Variants in AGR2 observed in about 807,000 individuals in gnomAD.
The protein encoded by AGR2 is anterior gradient protein 2 homolog.
In AGR2, 27 loss-of-function variants were observed where a neutral mutation model predicts 25.9. That is an observed-to-expected ratio of 1.04 (90% CI 0.77 to 1.44). The LOEUF (loss-of-function observed/expected upper bound fraction) is 1.44. AGR2 is among the 40% of genes most tolerant of loss of function. The pLI is 0.00. For synonymous variants in AGR2, 78 were observed against 72.0 expected, an observed-to-expected ratio of 1.08 and a Z score of -0.42; for missense variants, 182 against 200.9, an observed-to-expected ratio of 0.91 and a Z score of 0.57.
At chr7:16,794,571 G>A (rs1785012220) in intron 7 of AGR2, 3 of 426,424 alleles carry the variant, frequency 7.0e-6, no homozygotes, top group Non-Finnish European at 8.2e-6. Context: ...TTTCACTTTT[G>A]TTATTTAAAA....
intron 4 of AGR2, among the ~76,000 whole-genome samples, chr7:16,800,368 G>A (rs1407579682): frequency 6.6e-6 from 1 of 152,186 alleles, no homozygotes; most frequent in African/African-American, 2.4e-5. Context: ...GCTGTGAGGT[G>A]GGAATGAGCT....
At chr7:16,796,929 T>C (rs977187584) in intron 6 of AGR2, among the ~76,000 whole-genome samples, 2 of 63,010 alleles carry the variant, frequency 3.2e-5, no homozygotes, top group East Asian at 7.1e-4. Context: ...TCATATTCCT[T>C]TTTTTTTTTT....
chr7:16,796,723 C>T (rs1203130771), intron 6 of AGR2, among the ~76,000 whole-genome samples: 2 of 152,134 alleles, frequency 1.3e-5, no homozygotes, highest in African/African-American at 2.4e-5. Context: ...CATAACCACC[C>T]CCAAACTGCA....
chr7:16,803,958 G>T (rs1174729342), intron 1 of AGR2, among the ~76,000 whole-genome samples: 4 of 151,530 alleles, frequency 2.6e-5, no homozygotes, highest in East Asian at 2.0e-4. Context: ...TGATGGTAAG[G>T]CATTTTTATT....
intron 5 of AGR2, chr7:16,799,446 A>T: frequency 6.7e-6 from 2 of 297,354 alleles, no homozygotes; most frequent in Non-Finnish European, 1.3e-5. Flanking sequence ...TAGAGAAGCC[A>T]GGACTATAGA....
At chr7:16,798,927 T>C (rs1003484110) in intron 5 of AGR2, among the ~76,000 whole-genome samples, 10 of 152,160 alleles carry the variant, frequency 6.6e-5, no homozygotes, top group Non-Finnish European at 1.3e-4. Context: ...TGGAATATGG[T>C]TGGATAGACA....
chr7:16,799,853 T>G, intron 4 of AGR2, 36 bp from the exon 5 acceptor site: 3 of 1,388,268 alleles, frequency 2.2e-6, no homozygotes, highest in Non-Finnish European at 3.0e-6. Context: ...GCATCCATCT[T>G]AGCATTGGTT....
At position 16,791,890 on chromosome 7, in the gene AGR2, A is replaced by T. The variant is rs1390775563; in HGVS notation, c.*1018T>A. On this transcript the variant is annotated 3_prime_UTR_variant, in exon 8 of 8. Coordinates refer to ENST00000419304, the MANE Select transcript of AGR2 (RefSeq NM_006408.4). ...TGCAAAGCATTATATACAGCACCAT[A>T]GTCCAGGGGCCAAAGAAATCAGGAG... 2.0e-5 allele frequency: 3 copies of T among 152,280 alleles called. No homozygotes were observed. Among genetic ancestry groups the T allele is most frequent in the African/African-American group, 7.2e-5 (3 of 41,466 alleles). The allele number at this position is 152,280 out of a possible 1,614,324, so 9.4% of individuals were successfully genotyped here.
chr7:16,801,091 GA>G (rs1469249998), intron 4 of AGR2, 59 bp downstream of exon 4: 1 of 1,396,880 alleles, frequency 7.2e-7, no homozygotes, highest in East Asian at 2.3e-5. Context: ...TGAGTGATCT[GA>G]ACCCTGGCCC....
intron 5 of AGR2, among the ~76,000 whole-genome samples, chr7:16,798,551 G>A (rs751525094): frequency 1.3e-5 from 2 of 152,202 alleles, no homozygotes; most frequent in Non-Finnish European, 2.9e-5. Context: ...AGGGATGTTA[G>A]AAGAGGCACT....
In AGR2 at chr7:16,799,729, G is replaced by T; in HGVS notation, c.330+15C>A. On this transcript the variant is annotated intron_variant, in intron 5 of 7. Coordinates refer to ENST00000419304, the MANE Select transcript of AGR2 (RefSeq NM_006408.4). ...GCCATAGAGAAATGTTAGTAATGAT[G>T]AAAAGGAAACTTACAACCAGATTGA... is the stretch of plus-strand genomic sequence containing the variant. 1.3e-6 allele frequency: 2 copies of T among 1,597,898 alleles called. No individual in the cohort carries two copies. The highest frequency in any genetic ancestry group is 1.7e-6 in the Non-Finnish European group (2 of 1,168,358).
At chr7:16,804,600 G>A (rs1312214021) in intron 1 of AGR2, among the ~76,000 whole-genome samples, 1 of 152,182 alleles carries the variant, frequency 6.6e-6, no homozygotes, top group East Asian at 1.9e-4. Context: ...CCGTGGGAAA[G>A]AAAGCTTTAG....
At chr7:16,793,533 T>A (rs1454625376) in intron 7 of AGR2, among the ~76,000 whole-genome samples, 2 of 152,246 alleles carry the variant, frequency 1.3e-5, no homozygotes, top group Non-Finnish European at 2.9e-5. Flanking sequence ...AAGATAATTT[T>A]GGCTCATTTA....
At chr7:16,800,274 C>G (rs1296768593) in intron 4 of AGR2, among the ~76,000 whole-genome samples, 4 of 152,232 alleles carry the variant, frequency 2.6e-5, no homozygotes, top group African/African-American at 9.7e-5. Context: ...CAGGGCAGAT[C>G]TTCCTGAGGA....
rs967396136 is a variant in AGR2 at position 16,792,264 on chromosome 7, C to T, written c.*644G>A. Reference sequence around the variant, plus strand: ...GGATGACCTTTCTACTAAATTAGACCTCTGAAGGAGAAAGCTACTTGCCAG... The same window carrying T: ...GGATGACCTTTCTACTAAATTAGACTTCTGAAGGAGAAAGCTACTTGCCAG... On this transcript the variant is annotated 3_prime_UTR_variant, in exon 8 of 8. Coordinates refer to ENST00000419304, the MANE Select transcript of AGR2 (RefSeq NM_006408.4). 6.6e-6 allele frequency: 1 copy of T among 152,258 alleles called. No homozygotes were observed. Among genetic ancestry groups the T allele is most frequent in the Admixed American group, 6.5e-5 (1 of 15,278 alleles). The allele number at this position is 152,258 out of a possible 1,614,324, so 9.4% of individuals were successfully genotyped here. A position where few individuals can be genotyped will look rare whatever the true frequency, so the allele number is the denominator to read the frequency against.
chr7:16,799,345 T>C (rs1785102081), intron 5 of AGR2, among the ~76,000 whole-genome samples: 1 of 152,108 alleles, frequency 6.6e-6, no homozygotes, highest in Non-Finnish European at 1.5e-5. Context: ...AAGGTGGGAA[T>C]GCATGAAGCT....
At chr7:16,798,681 G>C (rs1340607469) in intron 5 of AGR2, among the ~76,000 whole-genome samples, 1 of 152,118 alleles carries the variant, frequency 6.6e-6, no homozygotes, top group African/African-American at 2.4e-5. Context: ...AAGTGAAAGA[G>C]GCTTACTAAA....
At chr7:16,800,297 G>A (rs1176740976) in intron 4 of AGR2, among the ~76,000 whole-genome samples, 1 of 152,252 alleles carries the variant, frequency 6.6e-6, no homozygotes, top group East Asian at 1.9e-4. Context: ...TAACGTTGAA[G>A]TGAGGGAGTG....
At chr7:16,794,682 G>T in intron 7 of AGR2, 3 of 895,704 alleles carry the variant, frequency 3.3e-6, no homozygotes, top group Non-Finnish European at 4.9e-6. Context: ...CAGGTAATGT[G>T]GTCATAGAAT....
Sources: gnomAD v4.1 joint callset for allele counts (sites outside exome capture counted in the v4.1 genomes callset) on GRCh38, gnomAD v4.1.1 for gene constraint, MANE v1.5 for transcripts, NCBI Gene and HGNC (gene_info 2026-07-23, HGNC 2026-07-21) for gene names.